ARSG: variants seen among roughly 807,000 people sequenced by gnomAD.
The protein encoded by ARSG is ASG.
Under a neutral mutation model 50.5 loss-of-function variants are expected in ARSG, and 37 were observed. The observed-to-expected ratio is 0.73, with a 90% CI of 0.56 to 0.96. The LOEUF (loss-of-function observed/expected upper bound fraction) is 0.96. ARSG is among the 50% of genes least tolerant of loss of function. The probability of loss-of-function intolerance (pLI) is 0.00; values close to 1 mark genes in which losing one functional copy is unlikely to be tolerated. For missense variants in ARSG, 629 were observed against 675.3 expected (o/e 0.93, Z 0.76); for synonymous variants, 225 against 254.6 (o/e 0.88, Z 1.11).
At chr17:68,272,701 C>T (rs782295405) in intron 1 of ARSG, 9 of 1,614,018 alleles carry the variant, frequency 5.6e-6, no homozygotes, top group South Asian at 4.4e-5. Context: ...GACTATGGAA[C>T]GTCTTTTGCC....
intron 1 of ARSG, among the ~76,000 whole-genome samples, chr17:68,272,106 TTG>T (rs2075361277): frequency 6.6e-6 from 1 of 152,116 alleles, no homozygotes; most frequent in East Asian, 1.9e-4. Context: ...TGGCCTTTTT[TTG>T]TGTGTTTTAA....
At chr17:68,290,267 G>A (rs2075941045), upstream of ARSG, among the ~76,000 whole-genome samples, 1 of 152,150 alleles carries the variant, frequency 6.6e-6, no homozygotes, top group African/African-American at 2.4e-5. Flanking sequence ...CCCCATGTTT[G>A]GTGACATTTT....
At chr17:68,265,239 A>G (rs2075135282) in intron 1 of ARSG, among the ~76,000 whole-genome samples, 1 of 152,038 alleles carries the variant, frequency 6.6e-6, no homozygotes, top group South Asian at 2.1e-4. Context: ...CATGCCTGTA[A>G]TCCCAGCACT....
intron 1 of ARSG, chr17:68,267,597 G>A (rs1367188045): frequency 3.3e-5 from 5 of 152,200 alleles, no homozygotes; most frequent in Non-Finnish European, 7.3e-5. Context: ...CATTAACGAT[G>A]AATAAAGATG....
At chr17:68,288,934 G>A (rs2075903748), upstream of ARSG, among the ~76,000 whole-genome samples, 1 of 152,282 alleles carries the variant, frequency 6.6e-6, no homozygotes, top group South Asian at 2.1e-4. Flanking sequence ...TTCTGAATGG[G>A]GGTTCCCGGC....
intron 1 of ARSG, among the ~76,000 whole-genome samples, chr17:68,265,649 G>A (rs1333459403): frequency 3.3e-5 from 5 of 151,398 alleles, no homozygotes; most frequent in African/African-American, 9.7e-5. Context: ...GACCTGTGCC[G>A]GTGTTACAGA....
intron 8 of ARSG, among the ~76,000 whole-genome samples, chr17:68,383,369 T>C (rs893862801): frequency 2.2e-4 from 34 of 152,346 alleles, no homozygotes; most frequent in African/African-American, 7.9e-4. Flanking sequence ...CCTGGTGCCA[T>C]TGCCCACCCC....
intron 2 of ARSG, among the ~76,000 whole-genome samples, chr17:68,335,898 GT>G (rs763657440): frequency 6.6e-6 from 1 of 152,058 alleles, no homozygotes; most frequent in Non-Finnish European, 1.5e-5. Context: ...GCAATATCGT[GT>G]TTTTCTTTTC....
At chr17:68,439,804 C>T in the ARSG span, among the ~76,000 whole-genome samples, 425 of 152,276 alleles carry the variant, frequency 2.8e-3, 5 homozygotes, top group Middle Eastern at 3.4e-3. Context: ...GAAATGAAGG[C>T]TACCGTGATA....
chr17:68,271,330 C>T lies in ARSG; in HGVS notation c.-552+11904C>T, dbSNP rs782815136. ...GTCTAATAGCGGGGCTTTCTTTTCG[C>T]TTGGCCTGGGGCTGGTCTTCACCAG... On this transcript the variant is annotated intron_variant, in intron 1 of 11. Coordinates refer to the ARSG transcript ENST00000448504. The surrounding 1 kb of genome is among the most constrained non-coding windows in gnomAD (Gnocchi z 5.3). The T allele has an allele frequency of 2.5e-6, 4 of 1,614,242 alleles. No individual in the cohort carries two copies. Among genetic ancestry groups the T allele is most frequent in the South Asian group, 2.2e-5 (2 of 91,090 alleles).
chr17:68,263,681 C>G (rs1432759457), intron 1 of ARSG, among the ~76,000 whole-genome samples: 3 of 151,990 alleles, frequency 2.0e-5, no homozygotes, highest in Admixed American at 6.6e-5. Flanking sequence ...AACTCCTGGG[C>G]TCAAGCAATT....
rs1362679397 is a variant in ARSG at position 68,355,975 on chromosome 17, G to A, written c.567-692G>A. 4.0e-5 allele frequency among the ~76,000 whole-genome samples: 6 copies of A among 151,760 alleles called. No individual in the cohort carries two copies. In the East Asian group the frequency reaches 7.8e-4, roughly 20 times the overall value. On this transcript the variant is annotated intron_variant, in intron 5 of 11. Coordinates refer to ENST00000621439, the MANE Select transcript of ARSG (RefSeq NM_001267727.2). The stretch of plus-strand genomic sequence containing the variant: ...CAGTTCACTGCAACCTCCGCCTCCC[G>A]GGTTCAAATGATTCTCCTGCCTCAG...
chr17:68,412,950 A>G (rs1351254783), intron 11 of ARSG, among the ~76,000 whole-genome samples: 29 of 151,868 alleles, frequency 1.9e-4, no homozygotes, highest in Admixed American at 8.5e-4. Context: ...CGTAGTTCTC[A>G]AGCCTTGGTT....
rs958661778 is a variant in ARSG at position 68,399,604 on chromosome 17, G to A, written c.1213-1756G>A. Among the ~76,000 whole-genome samples, 10 of 152,114 alleles carry A rather than the reference G, an allele frequency of 6.6e-5. No homozygotes were observed. Among genetic ancestry groups the A allele is most frequent in the Non-Finnish European group, 1.5e-4 (10 of 68,028 alleles). ...ACAAACAAAAAAAATGCATAGACAAGTTCTCCAAAGTCCATCTATGTTTCT... is the reference window on the plus strand; with the variant it reads ...ACAAACAAAAAAAATGCATAGACAAATTCTCCAAAGTCCATCTATGTTTCT... On this transcript the variant is annotated intron_variant, in intron 10 of 11. Transcript: ENST00000621439. This position sits in a 1 kb window ranked among gnomAD's most constrained non-coding sequence, Gnocchi z 4.6.
At chr17:68,318,244 C>A (rs1170955977) in intron 2 of ARSG, among the ~76,000 whole-genome samples, 1 of 152,228 alleles carries the variant, frequency 6.6e-6, no homozygotes, top group Non-Finnish European at 1.5e-5. Flanking sequence ...TTCATGCAGT[C>A]TGAAATTAGT....
At chr17:68,421,916 G>A, downstream of ARSG, 1 of 1,500,888 alleles carries the variant, frequency 6.7e-7, no homozygotes, top group Non-Finnish European at 9.3e-7. Context: ...AGAGTGAGCA[G>A]GGAGAGGCTG....
At chr17:68,332,134 T>G (rs2077803116) in intron 2 of ARSG, among the ~76,000 whole-genome samples, 1 of 152,224 alleles carries the variant, frequency 6.6e-6, no homozygotes, top group South Asian at 2.1e-4. Flanking sequence ...ATCCTTTATG[T>G]ACAACCGTGA....
chr17:68,366,677 A>ATGTGTGTGTGTG (rs3072873), intron 6 of ARSG, among the ~76,000 whole-genome samples: 17 of 148,358 alleles, frequency 1.1e-4, no homozygotes, highest in African/African-American at 4.0e-4. Flanking sequence ...GAATTTATGT[A>ATGTGTGTGTGTG]TGTGTGTGTG....
chr17:68,280,092 G>T (rs1180986777), intron 1 of ARSG, among the ~76,000 whole-genome samples: 1 of 147,048 alleles, frequency 6.8e-6, no homozygotes, highest in African/African-American at 2.5e-5. Flanking sequence ...TGAGGCAGGA[G>T]AATTGCTTGA....
Sources: gnomAD v4.1 joint callset for allele counts (sites outside exome capture counted in the v4.1 genomes callset) on GRCh38, gnomAD v4.1.1 for gene constraint, Gnocchi (gnomAD v3.1) non-coding constraint, MANE v1.5 for transcripts, NCBI Gene and HGNC (gene_info 2026-07-23, HGNC 2026-07-21) for gene names.